The following DCC variants were observed in gnomAD, a reference collection of about 807,000 sequenced individuals.
DCC encodes the protein netrin receptor DCC.
In DCC, 58 loss-of-function variants were observed where a neutral mutation model predicts 172.5. That is an observed-to-expected ratio of 0.34 (90% CI 0.27 to 0.42). DCC has a LOEUF of 0.42. Ranked by LOEUF, DCC falls within the 10% of genes least tolerant of loss-of-function variation. DCC has a pLI of 1.00. For synonymous variants in DCC, 709 were observed against 644.5 expected (o/e 1.10, Z -1.52); for missense variants, 1,740 against 1,791.0 (o/e 0.97, Z 0.51).
chr18:53,311,277 A>G (rs2057264755), intron 13 of DCC, among the ~76,000 whole-genome samples: 1 of 151,954 alleles, frequency 6.6e-6, no homozygotes, highest in African/African-American at 2.4e-5. Context: ...ATGCACCACC[A>G]CACCTGGCTA....
intron 1 of DCC, among the ~76,000 whole-genome samples, chr18:52,480,626 G>A (rs898083199): frequency 4.6e-5 from 7 of 152,240 alleles, no homozygotes; most frequent in Admixed American, 2.6e-4. Context: ...AGAACAGTAC[G>A]TTGTTCCTAA....
intron 22 of DCC, 51 bp from the exon 23 acceptor site, chr18:53,450,449 C>T: frequency 1.9e-6 from 3 of 1,605,204 alleles, no homozygotes; most frequent in Non-Finnish European, 2.6e-6. Flanking sequence ...CTTGGTAAAA[C>T]TTCTGCCACA....
At chr18:52,980,910 CCTT>C (rs2041198728) in intron 5 of DCC, among the ~76,000 whole-genome samples, 1 of 149,840 alleles carries the variant, frequency 6.7e-6, no homozygotes, top group South Asian at 2.1e-4. Flanking sequence ...AAGTCACAAA[CCTT>C]CTAATTGTTT....
At position 52,992,058 on chromosome 18, in the gene DCC, T is replaced by C. The variant is rs1182123299; in HGVS notation, c.985+66688T>C. 2.0e-5 allele frequency among the ~76,000 whole-genome samples: 3 copies of C among 152,274 alleles called. No homozygotes were observed. The East Asian group carries it at 5.8e-4, about 29-fold the overall frequency. The stretch of plus-strand genomic sequence containing the variant: ...AAGTTTAATACAACCTCATGAGGTG[T>C]TATTATTATAGTCTACAGGTTCTGG... On this transcript the variant is annotated intron_variant, in intron 5 of 28. Transcript: ENST00000442544.
chr18:52,487,532 C>G (rs1036073870), intron 1 of DCC, among the ~76,000 whole-genome samples: 1 of 151,966 alleles, frequency 6.6e-6, no homozygotes, highest in Non-Finnish European at 1.5e-5. Flanking sequence ...GGAAGTAGAC[C>G]GGGCACGGTG....
intron 15 of DCC, among the ~76,000 whole-genome samples, chr18:53,384,627 C>T (rs1342067858): frequency 1.3e-5 from 2 of 151,952 alleles, no homozygotes; most frequent in Admixed American, 6.6e-5. Context: ...TTGAGTTATG[C>T]CACCTCATTT....
At chr18:52,535,905 G>A (rs555463055) in intron 1 of DCC, among the ~76,000 whole-genome samples, 4 of 152,256 alleles carry the variant, frequency 2.6e-5, no homozygotes, top group South Asian at 2.1e-4. Context: ...GCTCAAGGCT[G>A]TAAGAGAGTT....
intron 5 of DCC, among the ~76,000 whole-genome samples, chr18:53,018,390 C>T (rs1043208636): frequency 6.6e-6 from 1 of 152,198 alleles, no homozygotes; most frequent in Non-Finnish European, 1.5e-5. Flanking sequence ...AAGGAAGATA[C>T]ATTCTTCACT....
At chr18:53,076,899 A>T (rs573478821) in intron 7 of DCC, among the ~76,000 whole-genome samples, 2 of 152,218 alleles carry the variant, frequency 1.3e-5, no homozygotes, top group African/African-American at 4.8e-5. Flanking sequence ...ACCATGTAGG[A>T]TTAGAGCCCA....
rs564447065 is a variant in DCC at position 52,892,892 on chromosome 18, T to A, written c.413-13152T>A. Among the ~76,000 whole-genome samples, 5 of 152,260 alleles carry A rather than the reference T, an allele frequency of 3.3e-5. No individual in the cohort carries two copies. In the East Asian group the frequency reaches 9.6e-4, roughly 29 times the overall value. On this transcript the variant is annotated intron_variant, in intron 2 of 28. Coordinates refer to ENST00000442544, the MANE Select transcript of DCC (RefSeq NM_005215.4). Reference sequence around the variant, plus strand: ...CCCAGTAGGTACTTCCAAATTGAAATTAAAATTATATAGATTTACCAGAAG... The same window carrying A: ...CCCAGTAGGTACTTCCAAATTGAAAATAAAATTATATAGATTTACCAGAAG...
intron 9 of DCC, among the ~76,000 whole-genome samples, chr18:53,201,525 C>A (rs1483446754): frequency 6.6e-6 from 1 of 152,150 alleles, no homozygotes; most frequent in Non-Finnish European, 1.5e-5. Context: ...AATGTCCCCT[C>A]TTGAAATATG....
At chr18:52,586,814 T>G (rs1484429559) in intron 1 of DCC, among the ~76,000 whole-genome samples, 1 of 152,132 alleles carries the variant, frequency 6.6e-6, no homozygotes, top group Non-Finnish European at 1.5e-5. Flanking sequence ...TAGTTGGCAT[T>G]GTAATTGTGA....
chr18:52,969,080 T>A (rs1397835654), intron 5 of DCC, among the ~76,000 whole-genome samples: 1 of 152,170 alleles, frequency 6.6e-6, no homozygotes, highest in Non-Finnish European at 1.5e-5. Context: ...CTCTAGTTAT[T>A]CTTGTTCTCT....
chr18:52,670,796 C>T (rs369374841), intron 1 of DCC, among the ~76,000 whole-genome samples: 5 of 151,892 alleles, frequency 3.3e-5, no homozygotes, highest in South Asian at 2.1e-4. Context: ...GCCGAGATTG[C>T]GCCACTGCAC....
Position 53,531,694 on chromosome 18 carries a change from AG to A in DCC, c.*1043del, listed in dbSNP as rs1404299064. ...TAGAAATGGCAGACTCCCTGAGAGC[AG>A]GAAGAGAAGGAAAATAAAAGGTAGC... is the stretch of plus-strand genomic sequence containing the variant. On this transcript the variant is annotated 3_prime_UTR_variant, in exon 29 of 29. Transcript: ENST00000442544. The A allele has an allele frequency of 3.9e-5, 6 of 152,208 alleles. No individual in the cohort carries two copies. Among genetic ancestry groups the A allele is most frequent in the Non-Finnish European group, 7.3e-5 (5 of 68,068 alleles). The allele number at this position is 152,208 out of a possible 1,614,324, so 9.4% of individuals were successfully genotyped here.
At chr18:52,469,345 T>C (rs891073418) in intron 1 of DCC, among the ~76,000 whole-genome samples, 18 of 152,172 alleles carry the variant, frequency 1.2e-4, no homozygotes, top group Non-Finnish European at 4.4e-5. Context: ...AGTGCTAGGA[T>C]TACAGGCATG....
chr18:53,343,548 A>C (rs936830045), intron 15 of DCC, among the ~76,000 whole-genome samples: 4 of 151,372 alleles, frequency 2.6e-5, no homozygotes, highest in Non-Finnish European at 3.0e-5. Flanking sequence ...GTTTAATTTG[A>C]TTTGTTAATG....
intron 2 of DCC, among the ~76,000 whole-genome samples, chr18:52,882,241 T>G (rs895204317): frequency 1.3e-5 from 2 of 151,624 alleles, no homozygotes; most frequent in Non-Finnish European, 3.0e-5. Context: ...TAGAAACAAT[T>G]TTGGGTTCGA....
chr18:53,395,697 C>T (rs1190592008), intron 17 of DCC, among the ~76,000 whole-genome samples: 2 of 152,146 alleles, frequency 1.3e-5, no homozygotes, highest in Non-Finnish European at 2.9e-5. Flanking sequence ...GGCTGGAGTG[C>T]AATGGCCTGA....
Sources: gnomAD v4.1 joint callset for allele counts (sites outside exome capture counted in the v4.1 genomes callset) on GRCh38, gnomAD v4.1.1 for gene constraint, MANE v1.5 for transcripts, NCBI Gene and HGNC (gene_info 2026-07-23, HGNC 2026-07-21) for gene names.